BAZ2B: variants seen among roughly 807,000 people sequenced by gnomAD.
The protein encoded by BAZ2B is bromodomain adjacent to zinc finger domain 2B.
Under a neutral mutation model 246.0 loss-of-function variants are expected in BAZ2B, and 91 were observed. The ratio of observed to expected loss-of-function variants is 0.37; its 90% confidence interval spans 0.31 to 0.44. The LOEUF is 0.44. Ranked by LOEUF, BAZ2B falls within the 20% of genes least tolerant of loss-of-function variation. The pLI, the probability that BAZ2B is intolerant of heterozygous loss-of-function variation, is 1.00. For missense variants in BAZ2B, 2,332 were observed against 2,533.7 expected, an observed-to-expected ratio of 0.92 and a Z score of 1.71; for synonymous variants, 855 against 860.0, an observed-to-expected ratio of 0.99 and a Z score of 0.10.
the BAZ2B span, among the ~76,000 whole-genome samples, chr2:159,707,413 T>C: frequency 2.4e-4 from 37 of 151,930 alleles, no homozygotes; most frequent in East Asian, 6.0e-3. Context: ...TAATAAAATA[T>C]AGCTGTTGGC....
chr2:159,551,239 G>A (rs1232310580), intron 2 of BAZ2B, among the ~76,000 whole-genome samples: 1 of 152,124 alleles, frequency 6.6e-6, no homozygotes, highest in East Asian at 1.9e-4. Context: ...GGAGGCCGAG[G>A]TGGGCGGATC....
intron 20 of BAZ2B, among the ~76,000 whole-genome samples, chr2:159,394,010 T>C (rs900841012): frequency 6.6e-6 from 1 of 152,162 alleles, no homozygotes; most frequent in Non-Finnish European, 1.5e-5. Flanking sequence ...TTTTACTGGA[T>C]CTTCTCTTCT....
intron 1 of BAZ2B, among the ~76,000 whole-genome samples, chr2:159,606,771 T>G (rs1171508600): frequency 6.6e-6 from 1 of 152,180 alleles, no homozygotes; most frequent in East Asian, 1.9e-4. Context: ...TCATTATTAT[T>G]ATGATGTAGT....
At chr2:159,499,151 T>C (rs1249992951) in intron 2 of BAZ2B, among the ~76,000 whole-genome samples, 4 of 152,138 alleles carry the variant, frequency 2.6e-5, no homozygotes, top group Non-Finnish European at 5.9e-5. Context: ...CCATTAGCTA[T>C]TCTTCCTGAT....
chr2:159,414,857 C>T (rs1451710869), intron 13 of BAZ2B, among the ~76,000 whole-genome samples: 1 of 151,168 alleles, frequency 6.6e-6, no homozygotes, highest in African/African-American at 2.4e-5. Flanking sequence ...TATATATATA[C>T]CTATTATGTA....
At chr2:159,584,944 CT>C (rs1213526557) in intron 1 of BAZ2B, among the ~76,000 whole-genome samples, 1 of 152,180 alleles carries the variant, frequency 6.6e-6, no homozygotes, top group Non-Finnish European at 1.5e-5. Flanking sequence ...CCTTCTCCCC[CT>C]TTGCCTGCTG....
chr2:159,600,564 T>C (rs7563368), intron 1 of BAZ2B, among the ~76,000 whole-genome samples: 61,301 of 152,068 alleles, frequency 0.4, 12,906 homozygotes, highest in African/African-American at 0.5. Flanking sequence ...ATTCACATGA[T>C]CTTGTCCCGA....
At chr2:159,685,086 C>T in the BAZ2B span, among the ~76,000 whole-genome samples, 27 of 152,230 alleles carry the variant, frequency 1.8e-4, no homozygotes, top group African/African-American at 6.3e-4. Context: ...AACTAGACTG[C>T]TTACTGATTA....
At chr2:159,370,864 C>T (rs546309927) in intron 27 of BAZ2B, among the ~76,000 whole-genome samples, 63 of 152,026 alleles carry the variant, frequency 4.1e-4, no homozygotes, top group African/African-American at 1.4e-3. Flanking sequence ...TGCAATGGCA[C>T]GATCTCGGCT....
chr2:159,504,084 A>G (rs1481039737), intron 2 of BAZ2B, among the ~76,000 whole-genome samples: 1 of 152,060 alleles, frequency 6.6e-6, no homozygotes, highest in Non-Finnish European at 1.5e-5. Context: ...ATATTATACA[A>G]ATTCTTCTGA....
chr2:159,478,100 G>A (rs1198554234), intron 3 of BAZ2B, among the ~76,000 whole-genome samples: 1 of 152,194 alleles, frequency 6.6e-6, no homozygotes, highest in African/African-American at 2.4e-5. Context: ...ACCGTGCTCA[G>A]CCAAATTTTA....
chr2:159,621,493 G>A (rs1416161842), upstream of BAZ2B, among the ~76,000 whole-genome samples: 1 of 151,942 alleles, frequency 6.6e-6, no homozygotes, highest in African/African-American at 2.4e-5. Context: ...GGGGTGGAGG[G>A]GACAATCATA....
intron 1 of BAZ2B, among the ~76,000 whole-genome samples, chr2:159,591,350 C>A (rs1443475537): frequency 1.3e-5 from 2 of 152,094 alleles, no homozygotes; most frequent in Non-Finnish European, 2.9e-5. Context: ...TGTAATGGGA[C>A]ATGGTAACTA....
chr2:159,404,663 C>T (rs916582513), intron 16 of BAZ2B, 186 bp downstream of exon 16: 4 of 535,522 alleles, frequency 7.5e-6, no homozygotes, highest in Admixed American at 3.6e-5. Flanking sequence ...TCTTTAAACA[C>T]TTGGAAGTAG....
At chr2:159,559,121 T>A (rs2089553242) in intron 1 of BAZ2B, among the ~76,000 whole-genome samples, 1 of 151,906 alleles carries the variant, frequency 6.6e-6, no homozygotes, top group African/African-American at 2.4e-5. Context: ...ACGCCTGTAG[T>A]CCCGCCAAGC....
chr2:159,440,341 G>C (rs183232309), intron 6 of BAZ2B, among the ~76,000 whole-genome samples: 100 of 152,194 alleles, frequency 6.6e-4, no homozygotes, highest in African/African-American at 2.3e-3. Flanking sequence ...GACTACTCGG[G>C]ATTGGGGAAT....
chr2:159,613,616 A>G (rs946408920), intron 1 of BAZ2B, among the ~76,000 whole-genome samples: 1 of 152,150 alleles, frequency 6.6e-6, no homozygotes, highest in African/African-American at 2.4e-5. Flanking sequence ...GCAGAGTGAC[A>G]ATAATATGTA....
intron 1 of BAZ2B, among the ~76,000 whole-genome samples, chr2:159,608,944 C>T (rs980850506): frequency 3.9e-5 from 6 of 152,066 alleles, no homozygotes; most frequent in Non-Finnish European, 8.8e-5. Flanking sequence ...AGTGTGGGGA[C>T]AAACACATAC....
intron 1 of BAZ2B, among the ~76,000 whole-genome samples, chr2:159,610,315 T>C (rs750485769): frequency 3.9e-5 from 6 of 152,206 alleles, no homozygotes; most frequent in Non-Finnish European, 7.4e-5. Context: ...CACTGAATTA[T>C]ACAGTATTAA....
Sources: allele counts gnomAD v4.1 joint callset (sites outside exome capture counted in the v4.1 genomes callset), GRCh38; gene constraint gnomAD v4.1.1; transcripts MANE v1.5; gene names NCBI Gene and HGNC (gene_info 2026-07-23, HGNC 2026-07-21).